The following LRRC28 variants were observed in gnomAD, a reference collection of about 807,000 sequenced individuals.
LRRC28 encodes leucine-rich repeat-containing protein 28.
A neutral mutation model predicts 45.7 loss-of-function variants in LRRC28; 39 were observed. The observed-to-expected ratio is 0.85, with a 90% CI of 0.66 to 1.12. The LOEUF (loss-of-function observed/expected upper bound fraction) is 1.12. Ranked by LOEUF, LRRC28 falls within the 50% of genes most tolerant of loss-of-function variation. LRRC28 has a pLI of 0.00. For missense variants in LRRC28, 435 were observed against 438.5 expected (o/e 0.99, Z 0.07); for synonymous variants, 206 against 178.8 (o/e 1.15, Z -1.22).
intron 1 of LRRC28, among the ~76,000 whole-genome samples, chr15:99,254,302 A>G (rs2152119560): frequency 6.6e-6 from 1 of 152,354 alleles, no homozygotes; most frequent in Non-Finnish European, 1.5e-5. Flanking sequence ...AGTATTTCAT[A>G]CTTTGCCTTT....
At chr15:99,314,086 G>C (rs572465110) in intron 5 of LRRC28, among the ~76,000 whole-genome samples, 1 of 152,144 alleles carries the variant, frequency 6.6e-6, no homozygotes, top group Admixed American at 6.5e-5. Context: ...ACTTCGCTGA[G>C]TTTGTCACAT....
intron 7 of LRRC28, chr15:99,361,043 A>G (rs1270461491): frequency 8.9e-6 from 2 of 225,492 alleles, no homozygotes; most frequent in Admixed American, 1.1e-4. Flanking sequence ...GAAAAGTAAA[A>G]TTTACAAAGC....
intron 3 of LRRC28, among the ~76,000 whole-genome samples, chr15:99,280,570 T>A (rs2152188275): frequency 6.6e-6 from 1 of 152,252 alleles, no homozygotes; most frequent in Admixed American, 6.5e-5. Flanking sequence ...TGAAGAAACA[T>A]CTACAGTTGT....
intron 5 of LRRC28, among the ~76,000 whole-genome samples, chr15:99,308,465 A>C (rs1955272150): frequency 6.6e-6 from 1 of 152,200 alleles, no homozygotes; most frequent in Admixed American, 6.5e-5. Flanking sequence ...TAGGAGTTCA[A>C]GACCAGTCTG....
At chr15:99,255,128 G>A (rs1045686468) in intron 1 of LRRC28, among the ~76,000 whole-genome samples, 12 of 152,268 alleles carry the variant, frequency 7.9e-5, no homozygotes, top group Admixed American at 2.6e-4. Flanking sequence ...AGGCTGAGGT[G>A]GGAGGATTGC....
chr15:99,302,784 T>C (rs937802188), intron 5 of LRRC28, among the ~76,000 whole-genome samples: 37 of 152,228 alleles, frequency 2.4e-4, no homozygotes, highest in African/African-American at 8.4e-4. Context: ...GTTTTGACTT[T>C]CCAGAAATTT....
Position 99,363,233 on chromosome 15 carries a change from G to C in LRRC28, c.999G>C (p.Leu333Phe). 1 of 1,613,990 alleles carries C rather than the reference G, an allele frequency of 6.2e-7. No individual in the cohort carries two copies. Among genetic ancestry groups the C allele is most frequent in the Non-Finnish European group, 8.5e-7 (1 of 1,179,910 alleles). ...FTIVYPKLFP[L>F]RETPMAGLHQ... ...TCGTCTACCCCAAGCTCTTTCCCTT[G>C]AGAGAGACGCCAATGGCAGGGCTGC... is the stretch of plus-strand genomic sequence containing the variant. The change falls in exon 9 of 10, where the codon TTG becomes TTC. Residue 333 changes from leucine (L) to phenylalanine (F), a missense_variant. By Grantham distance (22) the Leu-to-Phe change is conservative. Coordinates refer to ENST00000301981, the MANE Select transcript of LRRC28 (RefSeq NM_144598.5).
At chr15:99,378,422 G>A (rs1301741471) in intron 9 of LRRC28, among the ~76,000 whole-genome samples, 2 of 152,186 alleles carry the variant, frequency 1.3e-5, no homozygotes, top group East Asian at 1.9e-4. Flanking sequence ...TTGCTTATCA[G>A]CTTAAGGAGA....
chr15:99,361,303 C>A, intron 7 of LRRC28, 33 bp from the exon 8 acceptor site: 1 of 1,583,040 alleles, frequency 6.3e-7, no homozygotes, highest in South Asian at 1.2e-5. Context: ...TTCCTTATTG[C>A]TAATAATACT....
At chr15:99,298,292 C>G (rs2082316635) in intron 5 of LRRC28, among the ~76,000 whole-genome samples, 1 of 152,110 alleles carries the variant, frequency 6.6e-6, no homozygotes, top group Admixed American at 6.6e-5. Flanking sequence ...ACAGTGATGA[C>G]AGCACTGAGG....
intron 5 of LRRC28, among the ~76,000 whole-genome samples, chr15:99,322,162 G>A (rs1411976583): frequency 1.3e-5 from 2 of 152,178 alleles, no homozygotes; most frequent in Admixed American, 1.3e-4. Context: ...GCGAGGTGGG[G>A]AAGAGAGGTG....
chr15:99,260,294 T>C (rs931446462), intron 2 of LRRC28, among the ~76,000 whole-genome samples: 14 of 152,244 alleles, frequency 9.2e-5, no homozygotes, highest in African/African-American at 3.4e-4. Flanking sequence ...CCACCAAAAG[T>C]TAAACTTCTG....
At chr15:99,332,333 C>T (rs985099606) in intron 5 of LRRC28, among the ~76,000 whole-genome samples, 1 of 152,066 alleles carries the variant, frequency 6.6e-6, no homozygotes, top group Non-Finnish European at 1.5e-5. Context: ...CCTACCTGCC[C>T]GCTCCACTGC....
chr15:99,259,667 T>G (rs1470189141), intron 2 of LRRC28: 10 of 1,401,646 alleles, frequency 7.1e-6, no homozygotes, highest in Non-Finnish European at 9.1e-6. Flanking sequence ...GAAGAAAACA[T>G]TTGAAATTAA....
chr15:99,285,486 C>A, intron 3 of LRRC28: 1 of 991,960 alleles, frequency 1.0e-6, no homozygotes. Flanking sequence ...CAGAGTGACT[C>A]CTCAGGCTCT....
intron 2 of LRRC28, among the ~76,000 whole-genome samples, chr15:99,275,093 T>C (rs1004867110): frequency 1.3e-5 from 2 of 151,734 alleles, no homozygotes; most frequent in South Asian, 2.1e-4. Context: ...CCCCTATGTG[T>C]GTGTGAGAGA....
chr15:99,287,918 T>A lies in LRRC28; in HGVS notation c.352T>A (p.Leu118Ile), dbSNP rs182918752. ...TCTGAGAGCTTTACGTCATCTTCGA[T>A]TAGCTAATAACCAACTGCAATTCCT... The part of the protein sequence containing the change: ...GRLRALRHLR[L>I]ANNQLQFLPP... The change falls in exon 5 of 10, where the codon TTA becomes ATA. Residue 118 changes from leucine to isoleucine, a missense_variant. Physicochemically the swap from Leu to Ile is conservative, Grantham distance 5. Transcript: ENST00000301981. 1.2e-6 allele frequency: 2 copies of A among 1,613,838 alleles called. No individual in the cohort carries two copies. The highest frequency in any genetic ancestry group is 3.3e-5 in the Admixed American group (2 of 60,008).
intron 7 of LRRC28, among the ~76,000 whole-genome samples, chr15:99,360,430 CTTAAT>C (rs536007560): frequency 2.6e-5 from 4 of 152,148 alleles, no homozygotes; most frequent in Non-Finnish European, 5.9e-5. Context: ...TCTTGTTTTT[CTTAAT>C]TTAAGTATCT....
At chr15:99,347,011 A>G (rs538350447) in intron 6 of LRRC28, among the ~76,000 whole-genome samples, 2 of 152,346 alleles carry the variant, frequency 1.3e-5, no homozygotes, top group South Asian at 4.1e-4. Context: ...ATCATCTCAC[A>G]TAGTTTTTCA....
Sources: allele counts gnomAD v4.1 joint callset (sites outside exome capture counted in the v4.1 genomes callset), GRCh38; gene constraint gnomAD v4.1.1; transcripts MANE v1.5; gene names NCBI Gene and HGNC (gene_info 2026-07-23, HGNC 2026-07-21).